SORCS2: variants seen among roughly 807,000 people sequenced by gnomAD.
The protein encoded by SORCS2 is sortilin related VPS10 domain containing receptor 2.
SORCS2 carries 100 observed loss-of-function variants against 141.6 expected under a neutral mutation model. The observed-to-expected ratio is 0.71, with a 90% CI of 0.60 to 0.83. The LOEUF (loss-of-function observed/expected upper bound fraction) is 0.83, where lower values mean the gene tolerates loss of function less well. Among genes scored for constraint, SORCS2 ranks in the 40% least tolerant of loss-of-function variants. The probability of loss-of-function intolerance (pLI) is 0.00; values close to 1 mark genes in which losing one functional copy is unlikely to be tolerated. For missense variants in SORCS2, 1,646 were observed against 1,560.2 expected (o/e 1.05, Z -0.93); for synonymous variants, 789 against 676.9 (o/e 1.17, Z -2.57).
chr4:7,299,406 A>C (rs1717288718), intron 1 of SORCS2, among the ~76,000 whole-genome samples: 1 of 152,182 alleles, frequency 6.6e-6, no homozygotes, highest in Non-Finnish European at 1.5e-5. Context: ...CAGCGGTGCT[A>C]AGTTCCTTTC....
intron 1 of SORCS2, among the ~76,000 whole-genome samples, chr4:7,257,421 G>A (rs1333426965): frequency 6.6e-6 from 1 of 152,130 alleles, no homozygotes; most frequent in East Asian, 1.9e-4. Context: ...ACCAGTGTAA[G>A]TATGGACCCT....
chr4:7,573,223 A>G (rs777015454), intron 3 of SORCS2, among the ~76,000 whole-genome samples: 1 of 152,212 alleles, frequency 6.6e-6, no homozygotes, highest in Non-Finnish European at 1.5e-5. Context: ...TCCAACTTCA[A>G]CAAGCACACA....
intron 1 of SORCS2, among the ~76,000 whole-genome samples, chr4:7,390,304 C>G (rs1018013213): frequency 6.6e-6 from 1 of 152,164 alleles, no homozygotes; most frequent in Admixed American, 6.5e-5. Flanking sequence ...TCTTGAGCCT[C>G]CGAAAGGCAG....
chr4:7,593,730 G>A (rs1015354912), intron 3 of SORCS2, among the ~76,000 whole-genome samples: 12 of 152,182 alleles, frequency 7.9e-5, no homozygotes, highest in African/African-American at 2.4e-4. Context: ...CAGGGGTGCC[G>A]CTTGCCAGCC....
chr4:7,283,455 G>A (rs1293456075), intron 1 of SORCS2, among the ~76,000 whole-genome samples: 2 of 152,156 alleles, frequency 1.3e-5, no homozygotes, highest in African/African-American at 4.8e-5. Context: ...TGAATGGAGA[G>A]TGCTTGAAAC....
chr4:7,260,417 C>A (rs1714242977), intron 1 of SORCS2, among the ~76,000 whole-genome samples: 2 of 152,196 alleles, frequency 1.3e-5, no homozygotes, highest in Non-Finnish European at 2.9e-5. Flanking sequence ...CAACAAATTG[C>A]TATGATTGAT....
rs1560270809 is a variant in SORCS2, at chr4:7,421,922, T to TGGGGCAGGGCG, written c.548+25570_548+25571insGCAGGGCGGGG. Among the ~76,000 whole-genome samples the TGGGGCAGGGCG allele has an allele frequency of 2.6e-5, 4 of 151,544 alleles. No homozygotes were observed. The South Asian group carries it at 8.3e-4, about 32-fold the overall frequency. ...GGGAGGGCAGGGGCTGGGGCGGGGC[T>TGGGGCAGGGCG]GGGCATCACGCTCCCTCCCCCATGG... On this transcript the variant is annotated intron_variant, in intron 2 of 26. Transcript: ENST00000507866.
chr4:7,244,498 G>A (rs1460702750), intron 1 of SORCS2, among the ~76,000 whole-genome samples: 1 of 152,222 alleles, frequency 6.6e-6, no homozygotes, highest in Non-Finnish European at 1.5e-5. Context: ...ATTAAGTGCA[G>A]GGTGCCCGGC....
chr4:7,305,361 G>GTTTTTTTTTTTTT (rs5855954), intron 1 of SORCS2, among the ~76,000 whole-genome samples: 1 of 137,770 alleles, frequency 7.3e-6, no homozygotes, highest in African/African-American at 2.7e-5. Context: ...TTCTACTTTA[G>GTTTTTTTTTTTTT]TTTTTTTTTT....
rs371462720 is a variant in SORCS2 at position 7,689,561 on chromosome 4, A to G, written c.1564A>G (p.Thr522Ala). 1.5e-5 allele frequency: 24 copies of G among 1,603,056 alleles called. No individual in the cohort carries two copies. Among genetic ancestry groups the G allele is most frequent in the Non-Finnish European group, 2.0e-5 (23 of 1,175,450 alleles). ...ATCAGGCACCGTGCACACCAAGGACACCGCCCCAGGCCTCATCATGGGTGC... is the reference window on the plus strand; with the variant it reads ...ATCAGGCACCGTGCACACCAAGGACGCCGCCCCAGGCCTCATCATGGGTGC... ...YVSGTVHTKD[T>A]APGLIMGAGN... Residue 522 changes from threonine (T) to alanine (A), a missense_variant, in exon 11 of 27, where the codon ACC becomes GCC. Physicochemically the swap from Thr to Ala is moderately conservative, Grantham distance 58. Coordinates refer to ENST00000507866, the MANE Select transcript of SORCS2 (RefSeq NM_020777.3).
At chr4:7,615,962 T>A (rs1163717458) in intron 3 of SORCS2, among the ~76,000 whole-genome samples, 1 of 152,236 alleles carries the variant, frequency 6.6e-6, no homozygotes, top group African/African-American at 2.4e-5. Flanking sequence ...AAATATTGCA[T>A]ACTTATACTA....
intron 1 of SORCS2, among the ~76,000 whole-genome samples, chr4:7,339,182 C>T (rs536937159): frequency 6.6e-6 from 1 of 152,218 alleles, no homozygotes; most frequent in Non-Finnish European, 1.5e-5. Flanking sequence ...TGGAGCGCTG[C>T]CCTTTTTCTC....
intron 1 of SORCS2, among the ~76,000 whole-genome samples, chr4:7,350,429 A>T (rs1312578203): frequency 6.6e-6 from 1 of 152,254 alleles, no homozygotes; most frequent in East Asian, 1.9e-4. Context: ...GGATCTAGGG[A>T]GGGCCTCGGG....
At chr4:7,623,348 C>G (rs1380400501) in intron 3 of SORCS2, among the ~76,000 whole-genome samples, 6 of 151,996 alleles carry the variant, frequency 3.9e-5, no homozygotes, top group Admixed American at 3.9e-4. Context: ...CCATCTTTGT[C>G]AATCAGTGGG....
chr4:7,608,928 A>T (rs1004084476), intron 3 of SORCS2, among the ~76,000 whole-genome samples: 2 of 152,144 alleles, frequency 1.3e-5, no homozygotes, highest in Non-Finnish European at 2.9e-5. Context: ...GGCCAGCATC[A>T]GGCACTAGCC....
At chr4:7,300,745 C>T (rs1717378686) in intron 1 of SORCS2, among the ~76,000 whole-genome samples, 1 of 152,218 alleles carries the variant, frequency 6.6e-6, no homozygotes, top group Non-Finnish European at 1.5e-5. Context: ...GCTACCCTCC[C>T]GTGACCCTGG....
rs918742341 is a variant in SORCS2 at position 7,434,184 on chromosome 4, A to G, written c.548+37829A>G. On this transcript the variant is annotated intron_variant, in intron 2 of 26. Transcript: ENST00000507866. ...GCCTCAGTGCTTGGTCAGCAGGGAC[A>G]AAAAACTGGAAGAGGTAGTTCTTGC... The G allele has an allele frequency of 1.9e-6, 3 of 1,613,772 alleles. No individual in the cohort carries two copies. The Admixed American group carries it at 5.0e-5, about 27-fold the overall frequency.
intron 14 of SORCS2, among the ~76,000 whole-genome samples, chr4:7,710,260 C>A (rs1725739343): frequency 3.9e-5 from 6 of 152,174 alleles, no homozygotes; most frequent in Admixed American, 3.9e-4. Flanking sequence ...CCAACGCCGC[C>A]CCTCCAGGAG....
At chr4:7,602,683 C>A (rs1717802136) in intron 3 of SORCS2, among the ~76,000 whole-genome samples, 1 of 151,438 alleles carries the variant, frequency 6.6e-6, no homozygotes, top group African/African-American at 2.4e-5. Flanking sequence ...GGCTGGGCGG[C>A]CGGGCAGAGG....
Sources: allele counts gnomAD v4.1 joint callset (sites outside exome capture counted in the v4.1 genomes callset), GRCh38; gene constraint gnomAD v4.1.1; transcripts MANE v1.5; gene names NCBI Gene and HGNC (gene_info 2026-07-23, HGNC 2026-07-21).